PDE7A: variants seen among roughly 807,000 people sequenced by gnomAD.
PDE7A encodes high affinity 3',5'-cyclic-AMP phosphodiesterase 7A.
In PDE7A, 39 loss-of-function variants were observed where a neutral mutation model predicts 64.3. The ratio of observed to expected loss-of-function variants is 0.61; its 90% CI spans 0.47 to 0.79. The LOEUF is 0.79. PDE7A is among the 30% of genes least tolerant of loss of function. PDE7A has a pLI of 0.00. For synonymous variants in PDE7A, 203 were observed against 206.8 expected (o/e 0.98, Z 0.16); for missense variants, 470 against 582.8 (o/e 0.81, Z 1.99).
chr8:65,745,346 T>A, intron 5 of PDE7A, 61 bp downstream of exon 5: 2 of 941,304 alleles, frequency 2.1e-6, no homozygotes, highest in Non-Finnish European at 3.5e-6. Context: ...CACCAGCGGC[T>A]GCACCATCAA....
intron 3 of PDE7A, among the ~76,000 whole-genome samples, chr8:65,754,187 T>A (rs926017625): frequency 6.6e-6 from 1 of 152,052 alleles, no homozygotes; most frequent in Admixed American, 6.5e-5. Context: ...GTCTAGTCTT[T>A]CCATGTTTTT....
chr8:65,799,200 TAATC>T (rs768544587), intron 1 of PDE7A, among the ~76,000 whole-genome samples: 2 of 152,134 alleles, frequency 1.3e-5, no homozygotes, highest in East Asian at 1.9e-4. Context: ...TTGTTAAAAT[TAATC>T]AAACTGTATG....
intron 3 of PDE7A, 50 bp from the exon 4 acceptor site, chr8:65,747,853 A>G: frequency 7.9e-7 from 1 of 1,270,730 alleles, no homozygotes; most frequent in Non-Finnish European, 1.1e-6. Context: ...AATTATACAC[A>G]TGCTATCTTT....
rs746987926 is a variant in PDE7A, at chr8:65,840,398, G to GCACA, written c.138+969_138+972dup. On this transcript the variant is annotated intron_variant, in intron 1 of 12. Coordinates refer to ENST00000401827, the MANE Select transcript of PDE7A (RefSeq NM_001242318.3). Reference sequence around the variant, plus strand: ...CTACCAGGTGCTGTCCACACTACCTGCACACACACACACACACACACACAC... The same window carrying GCACA: ...CTACCAGGTGCTGTCCACACTACCTGCACACACACACACACACACACACACACAC... 2.2e-3 allele frequency among the ~76,000 whole-genome samples: 240 copies of GCACA among 109,664 alleles called. 1 individual carries two copies. Among genetic ancestry groups the GCACA allele is most frequent in the East Asian group, 0.019 (87 of 4,690 alleles). The allele number at this position is 109,664 out of a possible 152,430, so 71.9% of individuals were successfully genotyped here. A position where few individuals can be genotyped will look rare whatever the true frequency, so the allele number is the denominator to read the frequency against.
rs531136296 is a variant in PDE7A at position 65,750,700 on chromosome 8, G to GC, written c.284-2898dup. Among the ~76,000 whole-genome samples, 143 of 151,992 alleles carry GC rather than the reference G, an allele frequency of 9.4e-4. 1 individual carries two copies. The highest frequency in any genetic ancestry group is 8.5e-3 in the South Asian group (41 of 4,814). The stretch of plus-strand genomic sequence containing the variant: ...CAATTGGTACTGTCTGGGAGCCAAG[G>GC]CCCCAACCATGAAATCATGGTTGTA... On this transcript the variant is annotated intron_variant, in intron 3 of 12. Coordinates refer to ENST00000401827, the MANE Select transcript of PDE7A (RefSeq NM_001242318.3).
chr8:65,774,819 C>T (rs932688332), intron 3 of PDE7A, among the ~76,000 whole-genome samples: 1 of 151,722 alleles, frequency 6.6e-6, no homozygotes, highest in African/African-American at 2.4e-5. Flanking sequence ...GAGAAACGTC[C>T]GGCTGTTTCT....
At chr8:65,768,024 C>T (rs1048731142) in intron 3 of PDE7A, among the ~76,000 whole-genome samples, 2 of 152,004 alleles carry the variant, frequency 1.3e-5, no homozygotes, top group Admixed American at 6.6e-5. Flanking sequence ...TCTGACACTC[C>T]CTCCAGGTAG....
intron 1 of PDE7A, among the ~76,000 whole-genome samples, chr8:65,829,008 A>G (rs1472065017): frequency 1.3e-5 from 2 of 152,130 alleles, no homozygotes; most frequent in African/African-American, 2.4e-5. Flanking sequence ...AAAGTAAAGA[A>G]TCTTTTCATT....
chr8:65,736,244 C>A (rs1257697666), intron 6 of PDE7A, among the ~76,000 whole-genome samples: 1 of 152,128 alleles, frequency 6.6e-6, no homozygotes, highest in Non-Finnish European at 1.5e-5. Flanking sequence ...GATCTGATAA[C>A]CAACACGGTT....
At chr8:65,827,664 T>C (rs1173589210) in intron 1 of PDE7A, among the ~76,000 whole-genome samples, 2 of 152,178 alleles carry the variant, frequency 1.3e-5, no homozygotes, top group Non-Finnish European at 2.9e-5. Flanking sequence ...ATTTTTAGTG[T>C]ATCTTTTCTA....
At chr8:65,799,066 G>T (rs1038478732) in intron 1 of PDE7A, among the ~76,000 whole-genome samples, 1 of 152,166 alleles carries the variant, frequency 6.6e-6, no homozygotes, top group Non-Finnish European at 1.5e-5. Context: ...ATAGAAGTCA[G>T]ATCAGTGGTT....
intron 1 of PDE7A, among the ~76,000 whole-genome samples, chr8:65,836,933 G>T (rs77976227): frequency 0.057 from 8,682 of 152,204 alleles, 356 homozygotes; most frequent in Middle Eastern, 0.11. Flanking sequence ...TCACCCATTT[G>T]TCTAGAAACA....
At chr8:65,823,804 A>G (rs1333690742) in intron 1 of PDE7A, among the ~76,000 whole-genome samples, 1 of 152,224 alleles carries the variant, frequency 6.6e-6, no homozygotes, top group Non-Finnish European at 1.5e-5. Flanking sequence ...AAAAACTTTT[A>G]TTAATAATAA....
chr8:65,833,357 T>C (rs934102142), intron 1 of PDE7A, among the ~76,000 whole-genome samples: 2 of 152,206 alleles, frequency 1.3e-5, no homozygotes, highest in African/African-American at 4.8e-5. Context: ...ATACTCCAGA[T>C]AGGATTTGAA....
intron 1 of PDE7A, among the ~76,000 whole-genome samples, chr8:65,809,617 A>G (rs910964345): frequency 2.6e-5 from 4 of 152,266 alleles, no homozygotes; most frequent in African/African-American, 9.6e-5. Context: ...ACAAAAGGCT[A>G]ATATCCAGAA....
At position 65,716,160 on chromosome 8, in the gene PDE7A, A is replaced by G. The variant is rs1242228466; in HGVS notation, c.*3130T>C. On this transcript the variant is annotated 3_prime_UTR_variant, in exon 13 of 13. Coordinates refer to ENST00000401827, the MANE Select transcript of PDE7A (RefSeq NM_001242318.3). ...CGAGACCCTGTCTCAAAAAAAAAAA[A>G]AAACAAAAGGGCTATAGAAGGTGAT... is the stretch of plus-strand genomic sequence containing the variant. 6.6e-6 allele frequency among the ~76,000 whole-genome samples: 1 copy of G among 151,504 alleles called. No homozygotes were observed. The highest frequency in any genetic ancestry group is 2.4e-5 in the African/African-American group (1 of 41,262).
At chr8:65,812,842 C>A (rs75261154) in intron 1 of PDE7A, among the ~76,000 whole-genome samples, 9,577 of 152,164 alleles carry the variant, frequency 0.063, 376 homozygotes, top group Middle Eastern at 0.11. Flanking sequence ...GGCAAGGATT[C>A]GAAAGACTGA....
intron 1 of PDE7A, among the ~76,000 whole-genome samples, chr8:65,827,840 G>A (rs1468478612): frequency 1.3e-5 from 2 of 152,098 alleles, no homozygotes; most frequent in South Asian, 2.1e-4. Flanking sequence ...ACACAACGAC[G>A]AAATCGCCTA....
chr8:65,813,038 T>C (rs1485024055), intron 1 of PDE7A, among the ~76,000 whole-genome samples: 1 of 152,240 alleles, frequency 6.6e-6, no homozygotes, highest in African/African-American at 2.4e-5. Flanking sequence ...GATAACACCA[T>C]ATCCCTCACC....
Sources: gnomAD v4.1 joint callset for allele counts (sites outside exome capture counted in the v4.1 genomes callset) on GRCh38, gnomAD v4.1.1 for gene constraint, MANE v1.5 for transcripts, NCBI Gene and HGNC (gene_info 2026-07-23, HGNC 2026-07-21) for gene names.